ASIC2: variants seen among roughly 807,000 people sequenced by gnomAD.
ASIC2 encodes the protein acid-sensing ion channel 2.
Under a neutral mutation model 57.3 loss-of-function variants are expected in ASIC2, and 25 were observed. The ratio of observed to expected loss-of-function variants is 0.44; its 90% CI spans 0.32 to 0.61. The LOEUF is 0.61. Among genes scored for constraint, ASIC2 ranks in the 20% least tolerant of loss-of-function variants. The probability of loss-of-function intolerance (pLI) is 0.06; values close to 1 mark genes in which losing one functional copy is unlikely to be tolerated. For missense variants in ASIC2, 641 were observed against 738.1 expected (o/e 0.87, Z 1.52); for synonymous variants, 319 against 307.5 (o/e 1.04, Z -0.39).
chr17:33,080,213 G>A lies in ASIC2; in HGVS notation c.987+8650C>T, dbSNP rs116100236. Among the ~76,000 whole-genome samples the A allele has an allele frequency of 3.7e-3, 562 of 152,204 alleles. 4 individuals carry two copies. Among genetic ancestry groups the A allele is most frequent in the African/African-American group, 0.013 (522 of 41,510 alleles). On this transcript the variant is annotated intron_variant, in intron 3 of 9. Transcript: ENST00000225823. ...GGGCCAAGGCAGAGTGGGCAGGGAG[G>A]TGAAAGGAAGCCAGGCAGGAGTGAA... is the stretch of plus-strand genomic sequence containing the variant.
intron 1 of ASIC2, among the ~76,000 whole-genome samples, chr17:34,147,326 C>A: frequency 6.6e-6 from 1 of 152,264 alleles, no homozygotes; most frequent in Middle Eastern, 3.4e-3. Flanking sequence ...CAGGCAAATA[C>A]GTTGCTTCTG....
At chr17:33,660,700 T>G (rs1907229578) in intron 1 of ASIC2, among the ~76,000 whole-genome samples, 1 of 152,246 alleles carries the variant, frequency 6.6e-6, no homozygotes, top group Non-Finnish European at 1.5e-5. Context: ...CACAAACATG[T>G]GTGTCCCGTG....
chr17:33,206,467 A>G (rs1035507201), intron 1 of ASIC2, among the ~76,000 whole-genome samples: 4 of 152,198 alleles, frequency 2.6e-5, no homozygotes, highest in East Asian at 3.8e-4. Context: ...TGGGATTTGA[A>G]CCAAGGTCAA....
Position 33,377,560 on chromosome 17 carries a change from C to T in ASIC2, c.556-265493G>A, listed in dbSNP as rs533497076. Among the ~76,000 whole-genome samples the T allele has an allele frequency of 8.5e-5, 13 of 152,320 alleles. 1 individual carries two copies. In the South Asian group the frequency reaches 2.7e-3, roughly 32 times the overall value. On this transcript the variant is annotated intron_variant, in intron 1 of 9. Transcript: ENST00000359872. ...CTGTCCCTTCTCTCTGCCTTACCCT[C>T]CAGGCAAAGAGGAGTACTTGTGATT...
At chr17:33,064,787 T>C (rs1233243678) in intron 3 of ASIC2, among the ~76,000 whole-genome samples, 1 of 152,252 alleles carries the variant, frequency 6.6e-6, no homozygotes, top group African/African-American at 2.4e-5. Context: ...ACTGGAGTTG[T>C]TCCTATTCGG....
intron 1 of ASIC2, among the ~76,000 whole-genome samples, chr17:33,697,036 C>T (rs1334163902): frequency 2.0e-5 from 3 of 152,214 alleles, no homozygotes; most frequent in Admixed American, 6.5e-5. Context: ...GTGAGTTCTC[C>T]TGAGATCTGG....
At chr17:33,068,774 T>C (rs2092054931) in intron 3 of ASIC2, among the ~76,000 whole-genome samples, 1 of 152,224 alleles carries the variant, frequency 6.6e-6, no homozygotes, top group African/African-American at 2.4e-5. Context: ...ATCAATTTTA[T>C]TAATATCAAA....
intron 1 of ASIC2, among the ~76,000 whole-genome samples, chr17:33,319,044 C>T (rs780184320): frequency 6.6e-6 from 1 of 152,174 alleles, no homozygotes. Context: ...GTGAGCAGAT[C>T]CCTTGAGATC....
chr17:34,143,183 A>G (rs1912319515), intron 1 of ASIC2: 1 of 152,186 alleles, frequency 6.6e-6, no homozygotes, highest in South Asian at 2.1e-4. Context: ...GAGAACCCCT[A>G]AAGGGAATCA....
At chr17:33,232,406 A>AATGGT (rs1160468658) in intron 1 of ASIC2, among the ~76,000 whole-genome samples, 5,643 of 134,590 alleles carry the variant, frequency 0.042, 562 homozygotes, top group African/African-American at 0.15. Context: ...TATGGTATGG[A>AATGGT]ATGGTATGGT....
chr17:33,087,488 A>G (rs1182885170), intron 3 of ASIC2, among the ~76,000 whole-genome samples: 5 of 152,046 alleles, frequency 3.3e-5, no homozygotes, highest in South Asian at 4.1e-4. Context: ...GGCATTGGGT[A>G]CAGGGCACAG....
chr17:33,581,967 G>C (rs1035049306), intron 1 of ASIC2, among the ~76,000 whole-genome samples: 6 of 152,166 alleles, frequency 3.9e-5, no homozygotes, highest in African/African-American at 1.4e-4. Context: ...AAGTCAGCAC[G>C]AATTGGCCTC....
At chr17:33,060,195 G>A (rs2092015097) in intron 3 of ASIC2, among the ~76,000 whole-genome samples, 2 of 152,190 alleles carry the variant, frequency 1.3e-5, no homozygotes, top group Non-Finnish European at 2.9e-5. Flanking sequence ...TTTGGCTTTT[G>A]TAGCCATTGC....
intron 1 of ASIC2, among the ~76,000 whole-genome samples, chr17:33,738,904 C>T (rs948410691): frequency 6.6e-6 from 1 of 152,178 alleles, no homozygotes; most frequent in East Asian, 1.9e-4. Flanking sequence ...TGCTCCCACC[C>T]TAGGAAGCTT....
At chr17:33,540,195 G>A (rs138815683) in intron 1 of ASIC2, among the ~76,000 whole-genome samples, 7 of 152,186 alleles carry the variant, frequency 4.6e-5, no homozygotes, top group African/African-American at 1.7e-4. Context: ...TCCTTGGGTT[G>A]TGGATGTCAT....
chr17:33,825,463 A>T (rs1371069875), intron 1 of ASIC2, among the ~76,000 whole-genome samples: 1 of 152,166 alleles, frequency 6.6e-6, no homozygotes, highest in Admixed American at 6.5e-5. Flanking sequence ...TCCCTAACTG[A>T]GGCCCCTTTA....
At chr17:34,122,534 G>A (rs751266121) in intron 1 of ASIC2, among the ~76,000 whole-genome samples, 7 of 152,160 alleles carry the variant, frequency 4.6e-5, no homozygotes, top group Admixed American at 2.0e-4. Flanking sequence ...GTCCTCATCC[G>A]TCACACCCAG....
At chr17:34,110,762 AAGGGG>A (rs1911241909) in intron 1 of ASIC2, among the ~76,000 whole-genome samples, 1 of 152,212 alleles carries the variant, frequency 6.6e-6, no homozygotes, top group Non-Finnish European at 1.5e-5. Context: ...CCCTGGGTTC[AAGGGG>A]ATTTGATTAG....
intron 1 of ASIC2, among the ~76,000 whole-genome samples, chr17:33,411,659 A>G (rs1222637244): frequency 3.9e-5 from 6 of 152,226 alleles, no homozygotes; most frequent in Non-Finnish European, 1.5e-5. Context: ...GTGGTTTAAG[A>G]ACCAGAGGGG....
Sources: gnomAD v4.1 joint callset for allele counts (sites outside exome capture counted in the v4.1 genomes callset) on GRCh38, gnomAD v4.1.1 for gene constraint, MANE v1.5 for transcripts, NCBI Gene and HGNC (gene_info 2026-07-23, HGNC 2026-07-21) for gene names.